MACROD2: variants seen among roughly 807,000 people sequenced by gnomAD.
The protein encoded by MACROD2 is mono-ADP ribosylhydrolase 2.
Under a neutral mutation model 70.4 loss-of-function variants are expected in MACROD2, and 36 were observed. That is an observed-to-expected ratio of 0.51 (90% confidence interval 0.39 to 0.68). The LOEUF is 0.68. Ranked by LOEUF, MACROD2 falls within the 30% of genes least tolerant of loss-of-function variation. MACROD2 has a pLI of 0.00. For missense variants in MACROD2, 496 were observed against 538.4 expected (o/e 0.92, Z 0.78); for synonymous variants, 172 against 178.8 (o/e 0.96, Z 0.30).
chr20:14,516,124 C>T (rs2123162629), intron 4 of MACROD2, among the ~76,000 whole-genome samples: 1 of 150,988 alleles, frequency 6.6e-6, no homozygotes, highest in South Asian at 2.1e-4. Context: ...CAAAATGCCA[C>T]ATTTATAAAC....
chr20:14,715,865 AC>A (rs2071391807), intron 5 of MACROD2, among the ~76,000 whole-genome samples: 2 of 152,172 alleles, frequency 1.3e-5, no homozygotes. Flanking sequence ...ATTACTCGGG[AC>A]CTTTTTGCTG....
intron 5 of MACROD2, among the ~76,000 whole-genome samples, chr20:14,857,020 A>G (rs560465701): frequency 1.6e-4 from 24 of 152,130 alleles, no homozygotes; most frequent in Non-Finnish European, 3.2e-4. Flanking sequence ...CTTAACCCAT[A>G]TAGTCCAGCA....
At chr20:14,310,879 GA>G (rs200011323) in intron 3 of MACROD2, among the ~76,000 whole-genome samples, 2 of 151,782 alleles carry the variant, frequency 1.3e-5, no homozygotes, top group Non-Finnish European at 2.9e-5. Flanking sequence ...TTTTTAAATA[GA>G]AAAAAACTTA....
intron 5 of MACROD2, among the ~76,000 whole-genome samples, chr20:15,147,865 C>T (rs767098207): frequency 1.3e-5 from 2 of 151,938 alleles, no homozygotes; most frequent in Non-Finnish European, 2.9e-5. Context: ...GGGGGTTGTT[C>T]TCTGGCAGGC....
chr20:14,556,367 A>G (rs1238023015), intron 4 of MACROD2, among the ~76,000 whole-genome samples: 1 of 152,042 alleles, frequency 6.6e-6, no homozygotes, highest in African/African-American at 2.4e-5. Flanking sequence ...TTGAACTACA[A>G]AGCAGTGAGT....
chr20:15,774,158 T>C (rs2051682539), intron 8 of MACROD2, among the ~76,000 whole-genome samples: 5 of 152,196 alleles, frequency 3.3e-5, no homozygotes, highest in African/African-American at 2.4e-5. Flanking sequence ...CAACCACTTG[T>C]TTTGAAACTT....
Position 14,899,902 on chromosome 20 carries a change from G to C in MACROD2, c.418+214943G>C, listed in dbSNP as rs781060695. Among the ~76,000 whole-genome samples the C allele has an allele frequency of 1.1e-3, 164 of 152,068 alleles. 1 individual carries two copies. The highest frequency in any genetic ancestry group is 1.3e-4 in the Non-Finnish European group (9 of 67,978). The stretch of plus-strand genomic sequence containing the variant: ...TATTATACACATAACTAAATTTCAG[G>C]GCTCAAATTGACATGATTTCTTTGA... On this transcript the variant is annotated intron_variant, in intron 5 of 17. Coordinates refer to ENST00000684519, the MANE Select transcript of MACROD2 (RefSeq NM_001351661.2).
intron 3 of MACROD2, among the ~76,000 whole-genome samples, chr20:14,430,785 G>A (rs1266395129): frequency 6.6e-6 from 1 of 152,112 alleles, no homozygotes; most frequent in Non-Finnish European, 1.5e-5. Context: ...ATATACAACA[G>A]TGTTGTGTTA....
At chr20:14,045,175 TC>T (rs2053453092) in intron 2 of MACROD2, among the ~76,000 whole-genome samples, 1 of 152,218 alleles carries the variant, frequency 6.6e-6, no homozygotes, top group South Asian at 2.1e-4. Flanking sequence ...CCTCCACACC[TC>T]CCTGCAAGCT....
intron 3 of MACROD2, among the ~76,000 whole-genome samples, chr20:14,269,506 C>A (rs1256166380): frequency 6.6e-6 from 1 of 152,038 alleles, no homozygotes; most frequent in Non-Finnish European, 1.5e-5. Context: ...CAAAATCTAT[C>A]TTGTTATTCT....
intron 3 of MACROD2, among the ~76,000 whole-genome samples, chr20:14,466,641 T>TG: frequency 6.6e-6 from 1 of 152,286 alleles, no homozygotes; most frequent in Admixed American, 6.5e-5. Context: ...TTTTCTGCTC[T>TG]GTTTTTTCCC....
intron 6 of MACROD2, among the ~76,000 whole-genome samples, chr20:15,316,893 C>A (rs927200431): frequency 3.3e-5 from 5 of 151,944 alleles, no homozygotes; most frequent in Admixed American, 6.6e-5. Flanking sequence ...ACAACAACAA[C>A]AAAAAATACT....
At chr20:14,563,951 C>T (rs1409827355) in intron 4 of MACROD2, among the ~76,000 whole-genome samples, 1 of 151,884 alleles carries the variant, frequency 6.6e-6, no homozygotes, top group African/African-American at 2.4e-5. Context: ...TCTAACTATA[C>T]TACAAGGTAT....
chr20:14,203,974 G>A (rs908764215), intron 3 of MACROD2, among the ~76,000 whole-genome samples: 3 of 152,214 alleles, frequency 2.0e-5, no homozygotes, highest in Non-Finnish European at 4.4e-5. Flanking sequence ...TGGGCAGTGT[G>A]TGTGGCATCA....
intron 5 of MACROD2, among the ~76,000 whole-genome samples, chr20:15,007,339 G>C (rs1234770955): frequency 1.3e-5 from 2 of 151,870 alleles, no homozygotes; most frequent in East Asian, 3.9e-4. Flanking sequence ...ACTCCAGCCT[G>C]GGCGACAGAG....
At chr20:15,815,717 C>CT (rs1191689945) in intron 8 of MACROD2, among the ~76,000 whole-genome samples, 7 of 152,182 alleles carry the variant, frequency 4.6e-5, no homozygotes, top group Admixed American at 3.9e-4. Context: ...CCTCAATTAT[C>CT]TTTTTTAAGT....
intron 5 of MACROD2, among the ~76,000 whole-genome samples, chr20:14,805,654 A>T (rs558425113): frequency 3.3e-5 from 5 of 152,228 alleles, no homozygotes; most frequent in African/African-American, 1.2e-4. Flanking sequence ...CTCTGATTTT[A>T]AACTCCATGT....
chr20:14,222,732 CT>C (rs2122172530), intron 3 of MACROD2, among the ~76,000 whole-genome samples: 2 of 147,556 alleles, frequency 1.4e-5, no homozygotes, highest in South Asian at 4.3e-4. Flanking sequence ...TTAGATGCTA[CT>C]TTCTGACTTA....
intron 3 of MACROD2, among the ~76,000 whole-genome samples, chr20:14,230,094 C>T (rs1332308528): frequency 6.6e-6 from 1 of 152,120 alleles, no homozygotes; most frequent in Non-Finnish European, 1.5e-5. Context: ...CAGTGAGTTA[C>T]AGTCTTTTTG....
Sources: allele counts gnomAD v4.1 joint callset (sites outside exome capture counted in the v4.1 genomes callset), GRCh38; gene constraint gnomAD v4.1.1; transcripts MANE v1.5; gene names NCBI Gene and HGNC (gene_info 2026-07-23, HGNC 2026-07-21).